Variants in LIMCH1 observed in about 807,000 individuals in gnomAD.
LIMCH1 encodes LIM and calponin homology domains-containing protein 1.
LIMCH1 carries 113 observed loss-of-function variants against 176.5 expected under a neutral mutation model. That is an observed-to-expected ratio of 0.64 (90% CI 0.55 to 0.75). The LOEUF (loss-of-function observed/expected upper bound fraction) is 0.75. Among genes scored for constraint, LIMCH1 ranks in the 30% least tolerant of loss-of-function variants. LIMCH1 has a pLI of 0.00. For missense variants in LIMCH1, 1,674 were observed against 1,814.9 expected, an observed-to-expected ratio of 0.92 and a Z score of 1.41; for synonymous variants, 619 against 645.9, an observed-to-expected ratio of 0.96 and a Z score of 0.63.
chr4:41,359,958 C>T (rs2051787934), upstream of LIMCH1, among the ~76,000 whole-genome samples: 1 of 152,110 alleles, frequency 6.6e-6, no homozygotes, highest in Admixed American at 6.5e-5. Flanking sequence ...GCCCCCAATT[C>T]CCTCTACAAT....
chr4:41,696,400 G>T (rs1380474910), intron 31 of LIMCH1, among the ~76,000 whole-genome samples: 1 of 152,134 alleles, frequency 6.6e-6, no homozygotes, highest in Non-Finnish European at 1.5e-5. Context: ...CATCACAACT[G>T]TAGTGCCTAA....
chr4:41,507,467 C>T (rs185304262), intron 2 of LIMCH1, among the ~76,000 whole-genome samples: 138 of 152,212 alleles, frequency 9.1e-4, no homozygotes, highest in Non-Finnish European at 1.5e-3. Context: ...CTCCTATCAC[C>T]CAGGAAATTC....
chr4:41,364,023 G>C (rs2052569195), intron 1 of LIMCH1, among the ~76,000 whole-genome samples: 1 of 152,184 alleles, frequency 6.6e-6, no homozygotes. Context: ...TTTGAGTCCA[G>C]AGTCTGTTAC....
chr4:41,379,522 C>T (rs1389494394), intron 1 of LIMCH1, among the ~76,000 whole-genome samples: 1 of 152,124 alleles, frequency 6.6e-6, no homozygotes, highest in Non-Finnish European at 1.5e-5. Flanking sequence ...ACAGCCCACA[C>T]CCAAGAGGAG....
chr4:41,379,804 T>C (rs2055361513), intron 1 of LIMCH1, among the ~76,000 whole-genome samples: 1 of 152,160 alleles, frequency 6.6e-6, no homozygotes, highest in South Asian at 2.1e-4. Flanking sequence ...TTTATTTTTA[T>C]TTTTATTTTT....
At chr4:41,511,336 A>G (rs1453175919) in intron 2 of LIMCH1, among the ~76,000 whole-genome samples, 9 of 152,126 alleles carry the variant, frequency 5.9e-5, no homozygotes, top group Non-Finnish European at 1.2e-4. Flanking sequence ...AACAAACGCA[A>G]TGGGCACCTT....
rs201549642 is a variant in LIMCH1 at position 41,514,553 on chromosome 4, G to GAGGT, written c.168-9850_168-9847dup. ...GCAAGGTGGGGCAGACTAGAGGTGA[G>GAGGT]AGGTAGGTATCAAGTCAGTTTGTGA... is the stretch of plus-strand genomic sequence containing the variant. On this transcript the variant is annotated intron_variant, in intron 2 of 26. Coordinates refer to the LIMCH1 transcript ENST00000313860. Among the ~76,000 whole-genome samples, 568 of 152,310 alleles carry GAGGT rather than the reference G, an allele frequency of 3.7e-3. 2 individuals are homozygous for GAGGT. The highest frequency in any genetic ancestry group is 0.013 in the African/African-American group (530 of 41,574).
chr4:41,687,548 A>C (rs189462403), intron 28 of LIMCH1, among the ~76,000 whole-genome samples: 3 of 152,288 alleles, frequency 2.0e-5, no homozygotes, highest in Admixed American at 2.0e-4. Flanking sequence ...GCGAATGAAG[A>C]AATTAACTAA....
intron 20 of LIMCH1, among the ~76,000 whole-genome samples, chr4:41,666,153 T>A (rs1417524719): frequency 6.6e-6 from 1 of 152,238 alleles, no homozygotes; most frequent in Non-Finnish European, 1.5e-5. Context: ...GTTTAGCACT[T>A]ATGGAGTAAG....
At position 41,664,612 on chromosome 4, in the gene LIMCH1, C is replaced by G. The variant is rs111316889; in HGVS notation, c.3291+1628C>G. ...CTAGTTACTATTATTTATTACCCTT[C>G]CAAATTTACTTGCTTTTCCCACTTA... On this transcript the variant is annotated intron_variant, in intron 20 of 31. Coordinates refer to ENST00000503057, the MANE Select transcript of LIMCH1 (RefSeq NM_001330672.2). Among the ~76,000 whole-genome samples, 3 of 152,288 alleles carry G rather than the reference C, an allele frequency of 2.0e-5. 1 individual carries two copies. Among genetic ancestry groups the G allele is most frequent in the African/African-American group, 7.2e-5 (3 of 41,548 alleles).
chr4:41,483,870 A>G (rs1480457207), intron 1 of LIMCH1, among the ~76,000 whole-genome samples: 1 of 152,202 alleles, frequency 6.6e-6, no homozygotes, highest in Non-Finnish European at 1.5e-5. Flanking sequence ...TATTTTGCTC[A>G]AATGCTGCAC....
Position 41,633,576 on chromosome 4 carries a change from G to A in LIMCH1, c.1858G>A (p.Ala620Thr). 1 of 1,536,164 alleles carries A rather than the reference G, an allele frequency of 6.5e-7. No homozygotes were observed. The highest frequency in any genetic ancestry group is 2.4e-5 in the East Asian group (1 of 40,920). The change falls in exon 13 of 32, where the codon GCT becomes ACT. Residue 620 changes from alanine (A) to threonine (T), a missense_variant. By Grantham distance (58) the Ala-to-Thr change is moderately conservative. Transcript: ENST00000503057. The stretch of plus-strand genomic sequence containing the variant: ...GTGTCCTCTGGCCTCTGAGTGTGAG[G>A]CTTCAGGGACAGAAGAGAAGTTGGA... Reference protein sequence around the residue: ...LVCPLASECEASGTEEKLEKM... With the variant: ...LVCPLASECETSGTEEKLEKM...
At chr4:41,396,699 G>A (rs1018494935) in intron 1 of LIMCH1, among the ~76,000 whole-genome samples, 1 of 151,946 alleles carries the variant, frequency 6.6e-6, no homozygotes, top group Non-Finnish European at 1.5e-5. Context: ...TCAGGAGTTC[G>A]AGACCAGCCT....
rs1018327030 is a variant in LIMCH1, at chr4:41,538,364, A to G, written c.-241+14A>G. On this transcript the variant is annotated intron_variant, in intron 1 of 31. Transcript: ENST00000503057. ...GGACGTGTGGGGGTAAGTAAAATTC[A>G]TTATAAAAGAAATACATGCTTAGGG... 2.0e-6 allele frequency: 2 copies of G among 984,404 alleles called. No homozygotes were observed. Among genetic ancestry groups the G allele is most frequent in the African/African-American group, 3.5e-5 (2 of 57,198 alleles). 61.0% of individuals were successfully genotyped at this position (984,404 alleles called of 1,614,324 possible).
At position 41,565,376 on chromosome 4, in the gene LIMCH1, CACACACAT is replaced by C. The variant is rs1191554285; in HGVS notation, c.-241+27034_-241+27041del. 2.4e-3 allele frequency among the ~76,000 whole-genome samples: 348 copies of C among 146,490 alleles called. 1 individual carries two copies. Among genetic ancestry groups the C allele is most frequent in the African/African-American group, 7.7e-3 (287 of 37,318 alleles). On this transcript the variant is annotated intron_variant, in intron 1 of 31. Coordinates refer to ENST00000503057, the MANE Select transcript of LIMCH1 (RefSeq NM_001330672.2). ...ACACACACACACACACACACACACA[CACACACAT>C]ACACACACACACAGACACACACACA...
At chr4:41,550,382 A>G (rs1471428396) in intron 1 of LIMCH1, among the ~76,000 whole-genome samples, 1 of 151,992 alleles carries the variant, frequency 6.6e-6, no homozygotes, top group African/African-American at 2.4e-5. Flanking sequence ...CTAGGTATTT[A>G]AAAAATGAGC....
intron 2 of LIMCH1, among the ~76,000 whole-genome samples, chr4:41,504,758 C>T (rs1435104965): frequency 1.1e-4 from 17 of 152,172 alleles, no homozygotes; most frequent in Admixed American, 1.1e-3. Flanking sequence ...ATTTTTGTTA[C>T]TATCTAAGGA....
chr4:41,419,708 C>CG (rs2060432784), intron 1 of LIMCH1, among the ~76,000 whole-genome samples: 2 of 127,394 alleles, frequency 1.6e-5, no homozygotes, highest in African/African-American at 3.2e-5. Flanking sequence ...TCCTTCCTTC[C>CG]TTCCTTCCTT....
intron 1 of LIMCH1, chr4:41,386,057 A>G (rs1461441584): frequency 6.6e-6 from 1 of 152,244 alleles, no homozygotes; most frequent in African/African-American, 2.4e-5. Flanking sequence ...GAAATAATAC[A>G]TAGTCAATGA....
Sources: gnomAD v4.1 joint callset for allele counts (sites outside exome capture counted in the v4.1 genomes callset) on GRCh38, gnomAD v4.1.1 for gene constraint, MANE v1.5 for transcripts, NCBI Gene and HGNC (gene_info 2026-07-23, HGNC 2026-07-21) for gene names.